Variants in DMGDH observed in about 807,000 individuals in gnomAD.
The protein encoded by DMGDH is dimethylglycine dehydrogenase, mitochondrial.
A neutral mutation model predicts 95.2 loss-of-function variants in DMGDH; 76 were observed. The ratio of observed to expected loss-of-function variants is 0.80; its 90% CI spans 0.66 to 0.97. The LOEUF (loss-of-function observed/expected upper bound fraction) is 0.97, where lower values mean the gene tolerates loss of function less well. DMGDH is among the 50% of genes least tolerant of loss of function. DMGDH has a pLI of 0.00. For synonymous variants in DMGDH, 345 were observed against 377.6 expected (o/e 0.91, Z 1.00); for missense variants, 987 against 1,055.0 (o/e 0.94, Z 0.89).
At chr5:79,042,088 A>G (rs1754524883) in intron 7 of DMGDH, among the ~76,000 whole-genome samples, 195 bp downstream of exon 7, 1 of 152,200 alleles carries the variant, frequency 6.6e-6, no homozygotes, top group South Asian at 2.1e-4. Flanking sequence ...TATACAAGTG[A>G]TTGAACCAGT....
rs1753525788 is a variant in DMGDH at position 79,005,287 on chromosome 5, A to G, written c.2371T>C (p.Trp791Arg). The G allele has an allele frequency of 6.2e-7, 1 of 1,613,754 alleles. No homozygotes were observed. The highest frequency in any genetic ancestry group is 8.5e-7 in the Non-Finnish European group (1 of 1,179,892). The change falls in exon 15 of 16, where the codon TGG becomes CGG. Residue 791 changes from tryptophan (W) to arginine (R), a missense_variant. Transcript: ENST00000255189. The stretch of plus-strand genomic sequence containing the variant: ...TCAGCACTCACCTTGCCATTGTACC[A>G]GATGCTTTCATTTCCCTCTGGATCA... ...DVDPEGNESI[W>R]YNGKVVGNTT...
chr5:79,017,950 G>A (rs1446097673), intron 14 of DMGDH, among the ~76,000 whole-genome samples: 5 of 152,148 alleles, frequency 3.3e-5, no homozygotes, highest in Non-Finnish European at 1.5e-5. Context: ...ATTTGTAATA[G>A]CCCTAAACTG....
intron 14 of DMGDH, among the ~76,000 whole-genome samples, chr5:79,018,101 G>A (rs1315258423): frequency 1.3e-5 from 2 of 152,194 alleles, no homozygotes; most frequent in Non-Finnish European, 2.9e-5. Context: ...TGGCTGGAGT[G>A]CAGTGGCACA....
chr5:79,004,991 C>T (rs1283040440), intron 15 of DMGDH, among the ~76,000 whole-genome samples: 2 of 152,172 alleles, frequency 1.3e-5, no homozygotes, highest in Non-Finnish European at 2.9e-5. Context: ...ATCATTTACC[C>T]TCTAAATCAT....
intron 14 of DMGDH, among the ~76,000 whole-genome samples, chr5:79,013,179 G>A (rs1457652954): frequency 6.6e-6 from 1 of 152,136 alleles, no homozygotes; most frequent in Non-Finnish European, 1.5e-5. Context: ...GCCACATCTT[G>A]AATGCTTTGC....
At chr5:79,064,711 C>G (rs1453442879) in intron 1 of DMGDH, among the ~76,000 whole-genome samples, 1 of 151,710 alleles carries the variant, frequency 6.6e-6, no homozygotes, top group African/African-American at 2.4e-5. Flanking sequence ...ATTCTGGAAC[C>G]TTTTTTCTAT....
At chr5:79,019,308 A>G (rs1240333507) in intron 14 of DMGDH, among the ~76,000 whole-genome samples, 2 of 152,224 alleles carry the variant, frequency 1.3e-5, no homozygotes, top group Non-Finnish European at 1.5e-5. Context: ...AATAGGCTCT[A>G]GATCTATTAA....
At chr5:79,045,028 T>C (rs1754632123) in intron 5 of DMGDH, among the ~76,000 whole-genome samples, 1 of 152,212 alleles carries the variant, frequency 6.6e-6, no homozygotes, top group African/African-American at 2.4e-5. Context: ...CCAACTCCTC[T>C]ATCCTCTAAG....
At chr5:79,033,638 C>T (rs1754256236) in intron 7 of DMGDH, among the ~76,000 whole-genome samples, 1 of 152,184 alleles carries the variant, frequency 6.6e-6, no homozygotes, top group Non-Finnish European at 1.5e-5. Context: ...AAGAGATGTA[C>T]ACCTGCGAAA....
At chr5:79,069,492 C>A in intron 1 of DMGDH, 28 bp downstream of exon 1, 1 of 1,240,358 alleles carries the variant, frequency 8.1e-7, no homozygotes, top group Non-Finnish European at 1.0e-6. Flanking sequence ...CGCCCCGTCG[C>A]CTCTGAGCAG....
At chr5:79,055,671 C>T (rs1044640204) in intron 3 of DMGDH, 139 bp downstream of exon 3, 19 of 685,244 alleles carry the variant, frequency 2.8e-5, no homozygotes, top group Non-Finnish European at 5.0e-5. Context: ...GAGGTTCTTA[C>T]CTTAAACTCT....
Position 79,055,842 on chromosome 5 carries a change from G to A in DMGDH, c.343C>T (p.Leu115Phe). 1 of 1,611,866 alleles carries A rather than the reference G, an allele frequency of 6.2e-7. No homozygotes were observed. Among genetic ancestry groups the A allele is most frequent in the Non-Finnish European group, 8.5e-7 (1 of 1,178,038 alleles). ...GTTTCTTCTTCCAGTTTCTCATAAA[G>A]TTTGATGCTATCATAATGTATTTTC... ...LKKIHYDSIK[L>F]YEKLEEETGQ... is the part of the protein sequence containing the mutation. The change falls in exon 3 of 16, where the codon CTT (leucine) becomes TTT (phenylalanine). Residue 115 changes from leucine to phenylalanine, a missense_variant. Leu to Phe is a conservative substitution (Grantham distance 22). Coordinates refer to ENST00000255189, the MANE Select transcript of DMGDH (RefSeq NM_013391.3).
chr5:79,044,518 T>C lies in DMGDH; in HGVS notation c.780A>G (p.Gly260=), dbSNP rs1754613163. 1.9e-6 allele frequency: 3 copies of C among 1,614,126 alleles called. No homozygotes were observed. Among genetic ancestry groups the C allele is most frequent in the Non-Finnish European group, 2.5e-6 (3 of 1,180,024 alleles). Residue 260 remains glycine (G), a synonymous_variant, in exon 6 of 16, where the codon GGA becomes GGG. Transcript: ENST00000255189. ...FWAREVGKMI[G]LEHPLIPVQH... is the part of the protein sequence containing the mutation. The stretch of plus-strand genomic sequence containing the variant: ...GAACCGGAATGAGAGGATGTTCTAG[T>C]CCAATCATTTTACCTACTTCACGAG...
chr5:79,063,914 G>T (rs1755290440), intron 1 of DMGDH, 127 bp from the exon 2 acceptor site: 2 of 1,034,288 alleles, frequency 1.9e-6, no homozygotes, highest in East Asian at 4.9e-5. Context: ...GCATGATACT[G>T]ATTTAATAAT....
intron 2 of DMGDH, among the ~76,000 whole-genome samples, chr5:79,056,606 C>A (rs1025433313): frequency 2.0e-5 from 3 of 149,120 alleles, no homozygotes; most frequent in Admixed American, 6.7e-5. Context: ...GTAATCCCAG[C>A]ACTTTGGGAG....
chr5:79,063,588 T>C (rs781173836), intron 2 of DMGDH, 25 bp downstream of exon 2: 4 of 1,614,080 alleles, frequency 2.5e-6, no homozygotes, highest in South Asian at 2.2e-5. Context: ...TCCACGCTTA[T>C]GACAGTTTGG....
intron 5 of DMGDH, among the ~76,000 whole-genome samples, chr5:79,047,424 A>G (rs1754710820): frequency 6.6e-6 from 1 of 152,210 alleles, no homozygotes; most frequent in South Asian, 2.1e-4. Context: ...TTGGCTGAAC[A>G]CTGAGCTTCA....
chr5:79,010,362 G>A (rs188206512), intron 14 of DMGDH, among the ~76,000 whole-genome samples: 35 of 152,244 alleles, frequency 2.3e-4, no homozygotes, highest in Admixed American at 6.5e-4. Flanking sequence ...CAGGGTAGTG[G>A]GCTATAAGAC....
chr5:79,027,593 A>C (rs1176952313), intron 12 of DMGDH, among the ~76,000 whole-genome samples: 1 of 152,184 alleles, frequency 6.6e-6, no homozygotes, highest in Non-Finnish European at 1.5e-5. Flanking sequence ...CCACTGGGGA[A>C]CTGAAGAGCA....
Sources: allele counts gnomAD v4.1 joint callset (sites outside exome capture counted in the v4.1 genomes callset), GRCh38; gene constraint gnomAD v4.1.1; transcripts MANE v1.5; gene names NCBI Gene and HGNC (gene_info 2026-07-23, HGNC 2026-07-21).